The following PLAT variants were observed in gnomAD, a reference collection of about 807,000 sequenced individuals.
PLAT encodes the protein plasminogen activator, tissue type.
Under a neutral mutation model 74.9 loss-of-function variants are expected in PLAT, and 48 were observed. That is an observed-to-expected ratio of 0.64 (90% CI 0.51 to 0.82). The LOEUF (loss-of-function observed/expected upper bound fraction) is 0.82, where lower values mean the gene tolerates loss of function less well. PLAT is among the 40% of genes least tolerant of loss of function. PLAT has a pLI of 0.00. For missense variants in PLAT, 673 were observed against 736.2 expected, an observed-to-expected ratio of 0.91 and a Z score of 0.99; for synonymous variants, 307 against 294.4, an observed-to-expected ratio of 1.04 and a Z score of -0.44.
intron 1 of PLAT, among the ~76,000 whole-genome samples, chr8:42,199,053 C>G (rs1041586548): frequency 6.6e-6 from 1 of 152,208 alleles, no homozygotes; most frequent in Non-Finnish European, 1.5e-5. Flanking sequence ...ACCCTTTGTT[C>G]GGGACAGGAG....
At position 42,193,217 on chromosome 8, in the gene PLAT, A is replaced by G; in HGVS notation, c.-26-6T>C. On this transcript the variant is annotated splice_polypyrimidine_tract_variant and splice_region_variant and intron_variant, in intron 1 of 13. Coordinates refer to ENST00000220809, the MANE Select transcript of PLAT (RefSeq NM_000930.5). ...TTCACAGCGTCCCTTAAATTCTGGA[A>G]GGAGAGAAAAAACAGCTTGATCACG... The G allele has an allele frequency of 6.3e-7, 1 of 1,593,722 alleles. No individual in the cohort carries two copies. Among genetic ancestry groups the G allele is most frequent in the Non-Finnish European group, 8.6e-7 (1 of 1,161,804 alleles).
intron 1 of PLAT, among the ~76,000 whole-genome samples, chr8:42,194,828 C>A (rs1425456333): frequency 7.1e-6 from 1 of 141,806 alleles, no homozygotes; most frequent in African/African-American, 2.5e-5. Flanking sequence ...CATCTGTCTC[C>A]TTTTTCATAG....
rs530687362 is a variant in PLAT at position 42,191,843 on chromosome 8, G to A, written c.73-429C>T. 2.6e-5 allele frequency among the ~76,000 whole-genome samples: 4 copies of A among 152,068 alleles called. No individual in the cohort carries two copies. In the East Asian group the frequency reaches 7.8e-4, roughly 29 times the overall value. ...GTCACCTGGCTCTCCCCGCTGTAGG[G>A]TCCTGTGGGAGAGGTGTGGTTAGTT... On this transcript the variant is annotated intron_variant, in intron 2 of 13. Transcript: ENST00000220809.
Position 42,180,390 on chromosome 8 carries a change from A to G in PLAT, c.1086-12T>C, listed in dbSNP as rs1211082738. The stretch of plus-strand genomic sequence containing the variant: ...GGTGGGGCGGAAACCTGGTGGAGAA[A>G]CAGCCTTAGAATGCTTTTTTTGCTG... On this transcript the variant is annotated splice_polypyrimidine_tract_variant and intron_variant, in intron 10 of 13. Coordinates refer to ENST00000220809, the MANE Select transcript of PLAT (RefSeq NM_000930.5). 1.2e-6 allele frequency: 2 copies of G among 1,614,112 alleles called. No homozygotes were observed. Among genetic ancestry groups the G allele is most frequent in the Admixed American group, 1.7e-5 (1 of 60,026 alleles).
intron 1 of PLAT, chr8:42,193,700 A>G (rs1587939707): frequency 6.7e-6 from 1 of 148,500 alleles, no homozygotes. Flanking sequence ...AGGTGCATCC[A>G]TGCTGTAGCA....
intron 6 of PLAT, chr8:42,185,725 C>T (rs1487234489): frequency 6.6e-6 from 1 of 152,184 alleles, no homozygotes. Context: ...TCAACTTGGC[C>T]AGGCTGTGGC....
intron 13 of PLAT, among the ~76,000 whole-genome samples, chr8:42,178,162 C>T (rs1018326092): frequency 2.0e-5 from 3 of 152,092 alleles, no homozygotes; most frequent in African/African-American, 7.2e-5. Context: ...ACTTCTTTCT[C>T]ACATCATCTA....
At chr8:42,188,055 C>T (rs1805552946) in intron 4 of PLAT, 39 bp from the exon 5 acceptor site, 2 of 1,238,350 alleles carry the variant, frequency 1.6e-6, no homozygotes, top group African/African-American at 1.5e-5. Flanking sequence ...ATGACAGCCT[C>T]CTTCTGTGTG....
chr8:42,198,929 C>T (rs931569562), intron 1 of PLAT, among the ~76,000 whole-genome samples: 6 of 152,302 alleles, frequency 3.9e-5, no homozygotes, highest in Middle Eastern at 3.4e-3. Context: ...AGAAAAGAAA[C>T]GGCCAGGATT....
At chr8:42,178,066 G>GTT (rs1472372034) in intron 13 of PLAT, among the ~76,000 whole-genome samples, 1 of 152,194 alleles carries the variant, frequency 6.6e-6, no homozygotes, top group African/African-American at 2.4e-5. Context: ...TGAAATATAA[G>GTT]TACTAATTCT....
Position 42,187,384 on chromosome 8 carries a change from G to T in PLAT, c.539+14C>A. 6.4e-7 allele frequency: 1 copy of T among 1,554,992 alleles called. No individual in the cohort carries two copies. Among genetic ancestry groups the T allele is most frequent in the South Asian group, 1.2e-5 (1 of 86,530 alleles). On this transcript the variant is annotated intron_variant, in intron 6 of 13. Transcript: ENST00000220809. ...TCTCACAGGGGGAATCCCTCCTTGGGGATGTGCCCTCACCTGCAGTAGTTG... is the reference window on the plus strand; with the variant it reads ...TCTCACAGGGGGAATCCCTCCTTGGTGATGTGCCCTCACCTGCAGTAGTTG...
At chr8:42,203,919 C>T (rs1806228032) in intron 1 of PLAT, among the ~76,000 whole-genome samples, 1 of 150,410 alleles carries the variant, frequency 6.6e-6, no homozygotes, top group African/African-American at 2.5e-5. Flanking sequence ...GACCTACGAT[C>T]ACACTGCTGC....
chr8:42,190,826 G>T (rs573931750), intron 3 of PLAT, among the ~76,000 whole-genome samples: 1 of 152,210 alleles, frequency 6.6e-6, no homozygotes, highest in East Asian at 1.9e-4. Context: ...CCACCATGTC[G>T]AGGGGTTGCC....
chr8:42,181,664 G>A (rs985295007), intron 9 of PLAT, among the ~76,000 whole-genome samples: 6 of 152,198 alleles, frequency 3.9e-5, no homozygotes, highest in African/African-American at 7.2e-5. Flanking sequence ...CAATAGAGGC[G>A]TCTAGAGAGA....
chr8:42,194,231 AGAGAGAGAGAGTGT>A (rs1188513574), intron 1 of PLAT, among the ~76,000 whole-genome samples: 57 of 68,524 alleles, frequency 8.3e-4, no homozygotes, highest in African/African-American at 2.0e-3. Context: ...AGAGAGAGAG[AGAGAGAGAGAGTGT>A]GTGTGTGTGT....
At chr8:42,185,246 G>A in intron 6 of PLAT, 74 bp from the exon 7 acceptor site, 1 of 890,580 alleles carries the variant, frequency 1.1e-6, no homozygotes, top group Non-Finnish European at 1.7e-6. Flanking sequence ...AAGGACTTTG[G>A]TATCCTTTTC....
At chr8:42,189,784 G>A (rs2854284) in intron 3 of PLAT, among the ~76,000 whole-genome samples, 101,299 of 150,480 alleles carry the variant, frequency 0.67, 34,362 homozygotes, top group South Asian at 0.8. Context: ...TTTTTGGTAG[G>A]GACGGGGTTT....
intron 6 of PLAT, 102 bp from the exon 7 acceptor site, chr8:42,185,274 CT>C (rs376407477): frequency 0.02 from 9,731 of 497,548 alleles, no homozygotes; most frequent in South Asian, 0.037. Flanking sequence ...ATGGGGGGTG[CT>C]TTTTTTTTTG....
Position 42,175,957 on chromosome 8 carries a change from G to A in PLAT, c.*36C>T. The A allele has an allele frequency of 6.2e-7, 1 of 1,607,922 alleles. No homozygotes were observed. Among genetic ancestry groups the A allele is most frequent in the South Asian group, 1.1e-5 (1 of 90,576 alleles). On this transcript the variant is annotated 3_prime_UTR_variant, in exon 14 of 14. Coordinates refer to ENST00000220809, the MANE Select transcript of PLAT (RefSeq NM_000930.5). ...GTGTCTTCTGAAGAAGAAGAGGCGGGATCTCATTTGCTTTTGAGGAGTCGG... is the reference window on the plus strand; with the variant it reads ...GTGTCTTCTGAAGAAGAAGAGGCGGAATCTCATTTGCTTTTGAGGAGTCGG...
Sources: gnomAD v4.1 joint callset for allele counts (sites outside exome capture counted in the v4.1 genomes callset) on GRCh38, gnomAD v4.1.1 for gene constraint, MANE v1.5 for transcripts, NCBI Gene and HGNC (gene_info 2026-07-23, HGNC 2026-07-21) for gene names.